The following ATXN1 variants were observed in gnomAD, a reference collection of about 807,000 sequenced individuals.
The protein encoded by ATXN1 is ataxin-1.
A neutral mutation model predicts 56.4 loss-of-function variants in ATXN1; 8 were observed. That is an observed-to-expected ratio of 0.14 (90% CI 0.08 to 0.26). The LOEUF (loss-of-function observed/expected upper bound fraction) is 0.26, where lower values mean the gene tolerates loss of function less well. ATXN1 is among the 10% of genes least tolerant of loss of function. The pLI is 1.00. For synonymous variants in ATXN1, 514 were observed against 494.6 expected (o/e 1.04, Z -0.52); for missense variants, 987 against 1,106.5 (o/e 0.89, Z 1.53).
rs749318223 is a variant in ATXN1, at chr6:16,327,373, C to T, written c.938G>A (p.Arg313Gln). The T allele has an allele frequency of 5.0e-5, 81 of 1,613,496 alleles. No individual in the cohort carries two copies. The highest frequency in any genetic ancestry group is 6.6e-5 in the Non-Finnish European group (78 of 1,179,986). The change falls in exon 7 of 8, where the codon CGG (arginine) becomes CAG (glutamine). Residue 313 changes from arginine to glutamine, a missense_variant. Coordinates refer to ENST00000436367, the MANE Select transcript of ATXN1 (RefSeq NM_001128164.2). The part of the protein sequence containing the change: ...REATKKAESS[R>Q]LQQAIQAKEV... ...CTTGGCCTGGATGGCCTGCTGCAGCCGGCTGCTCTCAGCTTTCTTGGTGGC... is the reference window on the plus strand; with the variant it reads ...CTTGGCCTGGATGGCCTGCTGCAGCTGGCTGCTCTCAGCTTTCTTGGTGGC...
intron 4 of ATXN1, among the ~76,000 whole-genome samples, chr6:16,554,615 C>G (rs1383529254): frequency 6.6e-6 from 1 of 152,108 alleles, no homozygotes; most frequent in Admixed American, 6.5e-5. Context: ...CCACGCCCGG[C>G]TAATTTTTTT....
At chr6:16,582,415 A>C (rs1371139501) in intron 4 of ATXN1, among the ~76,000 whole-genome samples, 1 of 152,172 alleles carries the variant, frequency 6.6e-6, no homozygotes, top group African/African-American at 2.4e-5. Context: ...AAATTAATAA[A>C]TGAGTGAGGA....
intron 2 of ATXN1, chr6:16,749,933 C>A (rs2113528977): frequency 6.6e-6 from 1 of 152,522 alleles, no homozygotes; most frequent in East Asian, 1.9e-4. Flanking sequence ...AGATGTCCAC[C>A]AGCACCTAGG....
At chr6:16,540,820 A>G (rs1287257028) in intron 4 of ATXN1, among the ~76,000 whole-genome samples, 5 of 152,192 alleles carry the variant, frequency 3.3e-5, no homozygotes, top group Non-Finnish European at 5.9e-5. Flanking sequence ...TCCTCTCCCA[A>G]CAGAGCCTTC....
intron 3 of ATXN1, chr6:16,615,896 G>A: frequency 6.6e-6 from 1 of 151,948 alleles, no homozygotes; most frequent in Non-Finnish European, 1.5e-5. Context: ...AGCCAGGCAT[G>A]GTGTTGCATG....
At chr6:16,634,316 T>C (rs997134226) in intron 3 of ATXN1, among the ~76,000 whole-genome samples, 8 of 152,230 alleles carry the variant, frequency 5.3e-5, no homozygotes, top group African/African-American at 1.9e-4. Flanking sequence ...ATATGTAATC[T>C]TGAGCAGGTT....
intron 5 of ATXN1, among the ~76,000 whole-genome samples, chr6:16,517,062 T>C (rs1761196843): frequency 6.6e-6 from 1 of 152,260 alleles, no homozygotes. Context: ...AATACCACCA[T>C]GCAGGCATGG....
At chr6:16,405,585 T>A (rs192283958) in intron 6 of ATXN1, among the ~76,000 whole-genome samples, 141 of 152,294 alleles carry the variant, frequency 9.3e-4, no homozygotes, top group African/African-American at 3.3e-3. Flanking sequence ...ACAGGTTTCA[T>A]AAAATGTTAG....
intron 6 of ATXN1, among the ~76,000 whole-genome samples, chr6:16,415,902 G>A (rs183463011): frequency 5.8e-4 from 88 of 152,242 alleles, no homozygotes; most frequent in African/African-American, 1.9e-3. Flanking sequence ...TCTGCTGGGA[G>A]CAAAAATAAT....
intron 5 of ATXN1, among the ~76,000 whole-genome samples, chr6:16,522,376 A>G (rs6459472): frequency 0.58 from 88,165 of 151,890 alleles, 25,899 homozygotes; most frequent in East Asian, 0.75. Flanking sequence ...TAATAGCAAC[A>G]ATGATGACCT....
In ATXN1 at chr6:16,300,980, C is replaced by T. The variant is rs1430949361; in HGVS notation, c.*5349G>A. 1 of 152,500 alleles carries T rather than the reference C, an allele frequency of 6.6e-6. No individual in the cohort carries two copies. The highest frequency in any genetic ancestry group is 1.5e-5 in the Non-Finnish European group (1 of 68,014). 9.4% of individuals were successfully genotyped at this position (152,500 alleles called of 1,614,324 possible). On this transcript the variant is annotated 3_prime_UTR_variant, in exon 8 of 8. Transcript: ENST00000436367. ...AATAAGCATAGGTATAGTTTAAGAGCCTTTTACGTAGTAATTCTTCCAGGC... is the reference window on the plus strand; with the variant it reads ...AATAAGCATAGGTATAGTTTAAGAGTCTTTTACGTAGTAATTCTTCCAGGC...
At chr6:16,755,683 A>G (rs1286024219) in intron 1 of ATXN1, among the ~76,000 whole-genome samples, 1 of 151,934 alleles carries the variant, frequency 6.6e-6, no homozygotes, top group Non-Finnish European at 1.5e-5. Context: ...TACCTAACTC[A>G]TTCAAAACTT....
At chr6:16,425,462 T>C (rs759401313) in intron 6 of ATXN1, among the ~76,000 whole-genome samples, 3 of 152,204 alleles carry the variant, frequency 2.0e-5, no homozygotes, top group Non-Finnish European at 2.9e-5. Context: ...TAGTGAACCA[T>C]GGAAAGGTAT....
chr6:16,692,779 T>C (rs1034278964), intron 2 of ATXN1, among the ~76,000 whole-genome samples: 1 of 152,202 alleles, frequency 6.6e-6, no homozygotes, highest in African/African-American at 2.4e-5. Flanking sequence ...ATTTTCACTT[T>C]AGAGATGTGG....
chr6:16,369,873 A>G (rs1407881772), intron 6 of ATXN1, among the ~76,000 whole-genome samples: 1 of 152,208 alleles, frequency 6.6e-6, no homozygotes, highest in East Asian at 1.9e-4. Context: ...ATCACCTGAC[A>G]TGAACTATGA....
chr6:16,729,296 G>A (rs1421754746), intron 2 of ATXN1, among the ~76,000 whole-genome samples: 1 of 152,206 alleles, frequency 6.6e-6, no homozygotes, highest in Non-Finnish European at 1.5e-5. Context: ...TTTCCTGTGG[G>A]GTGAGCGGTA....
At chr6:16,368,643 T>C (rs1380641288) in intron 6 of ATXN1, among the ~76,000 whole-genome samples, 3 of 152,204 alleles carry the variant, frequency 2.0e-5, no homozygotes, top group Non-Finnish European at 4.4e-5. Context: ...CTCTGAGGTC[T>C]TCCAACTGGC....
At chr6:16,515,405 C>A (rs1437136354) in intron 5 of ATXN1, among the ~76,000 whole-genome samples, 1 of 152,158 alleles carries the variant, frequency 6.6e-6, no homozygotes, top group African/African-American at 2.4e-5. Context: ...AGTGACCACT[C>A]CTCCCTCCCT....
At chr6:16,574,429 G>A (rs1279521367) in intron 4 of ATXN1, among the ~76,000 whole-genome samples, 6 of 152,040 alleles carry the variant, frequency 3.9e-5, no homozygotes, top group African/African-American at 4.8e-5. Context: ...GGGTGGTCTC[G>A]AACTCCCGAC....
Sources: allele counts gnomAD v4.1 joint callset (sites outside exome capture counted in the v4.1 genomes callset), GRCh38; gene constraint gnomAD v4.1.1; transcripts MANE v1.5; gene names NCBI Gene and HGNC (gene_info 2026-07-23, HGNC 2026-07-21).